The following GRIK1 variants were observed in gnomAD, a reference collection of about 807,000 sequenced individuals.
GRIK1 encodes the protein glutamate receptor ionotropic, kainate 1.
A neutral mutation model predicts 105.7 loss-of-function variants in GRIK1; 69 were observed. The ratio of observed to expected loss-of-function variants is 0.65; its 90% CI spans 0.54 to 0.80. The LOEUF is 0.80. Among genes scored for constraint, GRIK1 ranks in the 30% least tolerant of loss-of-function variants. The pLI, the probability that GRIK1 is intolerant of heterozygous loss-of-function variation, is 0.00. For missense variants in GRIK1, 1,109 were observed against 1,167.3 expected (o/e 0.95, Z 0.73); for synonymous variants, 438 against 431.3 (o/e 1.02, Z -0.19).
intron 1 of GRIK1, among the ~76,000 whole-genome samples, chr21:29,839,040 A>ATTT (rs2067892190): frequency 6.6e-6 from 1 of 150,512 alleles, no homozygotes. Flanking sequence ...TACTATAGGG[A>ATTT]TTTCTTTTCT....
At chr21:29,703,924 TC>T (rs2063858630) in intron 1 of GRIK1, among the ~76,000 whole-genome samples, 1 of 152,236 alleles carries the variant, frequency 6.6e-6, no homozygotes, top group Non-Finnish European at 1.5e-5. Context: ...TTGCATTAAT[TC>T]ACTAGGAATG....
At chr21:29,592,758 A>AAATGGCTG (rs2061350710) in intron 9 of GRIK1, among the ~76,000 whole-genome samples, 1 of 152,194 alleles carries the variant, frequency 6.6e-6, no homozygotes, top group Non-Finnish European at 1.5e-5. Flanking sequence ...AAGGACATTG[A>AAATGGCTG]AATGGCTGCC....
chr21:29,790,486 C>T (rs1352469615), intron 1 of GRIK1, among the ~76,000 whole-genome samples: 7 of 150,738 alleles, frequency 4.6e-5, no homozygotes, highest in Admixed American at 2.6e-4. Flanking sequence ...GAGACAGGGT[C>T]TTGCTGTCAC....
chr21:29,936,226 C>T (rs1262410401), intron 1 of GRIK1, among the ~76,000 whole-genome samples: 3 of 152,170 alleles, frequency 2.0e-5, no homozygotes, highest in African/African-American at 4.8e-5. Context: ...TCACCATGAC[C>T]TCTATAATTG....
intron 2 of GRIK1, among the ~76,000 whole-genome samples, chr21:29,692,118 A>G (rs1308941028): frequency 6.6e-6 from 1 of 152,224 alleles, no homozygotes; most frequent in Non-Finnish European, 1.5e-5. Flanking sequence ...TACTAATATT[A>G]TTTGACAGAA....
intron 9 of GRIK1, 131 bp downstream of exon 9, chr21:29,596,395 T>TA (rs771817736): frequency 1.3e-6 from 1 of 778,390 alleles, no homozygotes; most frequent in Admixed American, 1.7e-5. Flanking sequence ...CCTCTCTCTT[T>TA]ACATGGAACT....
Position 29,886,335 on chromosome 21 carries a change from T to C in GRIK1, c.118+53048A>G. On this transcript the variant is annotated intron_variant, in intron 1 of 17. Transcript: ENST00000327783. Reference sequence around the variant, plus strand: ...CACCTCTTTTTCAGGCTGACTTTGTTCTGTTCTTTGCACATATTTTCCAGG... The same window carrying C: ...CACCTCTTTTTCAGGCTGACTTTGTCCTGTTCTTTGCACATATTTTCCAGG... 1.3e-5 allele frequency among the ~76,000 whole-genome samples: 2 copies of C among 152,164 alleles called. 1 individual carries two copies. The highest frequency in any genetic ancestry group is 3.9e-4 in the East Asian group (2 of 5,192).
chr21:29,560,162 T>C (rs1026812007), intron 15 of GRIK1, among the ~76,000 whole-genome samples: 1 of 152,184 alleles, frequency 6.6e-6, no homozygotes, highest in African/African-American at 2.4e-5. Flanking sequence ...TTTCTGGACT[T>C]GCCCAGTAGT....
intron 7 of GRIK1, among the ~76,000 whole-genome samples, chr21:29,639,171 A>G (rs905595754): frequency 6.6e-6 from 1 of 152,242 alleles, no homozygotes; most frequent in Non-Finnish European, 1.5e-5. Context: ...TGTGTCCTGA[A>G]GCACTGCACA....
chr21:29,876,624 C>T (rs541407434), intron 1 of GRIK1, among the ~76,000 whole-genome samples: 4 of 152,322 alleles, frequency 2.6e-5, no homozygotes, highest in South Asian at 2.1e-4. Flanking sequence ...ATTACACCCA[C>T]GTTATCCTAG....
intron 9 of GRIK1, chr21:29,596,089 G>A (rs2061407306): frequency 1.7e-5 from 5 of 291,924 alleles, no homozygotes; most frequent in Admixed American, 1.4e-4. Context: ...TGACATTACA[G>A]GAGGTGTCCT....
At chr21:29,663,940 A>T (rs1265847396) in intron 4 of GRIK1, among the ~76,000 whole-genome samples, 1 of 152,196 alleles carries the variant, frequency 6.6e-6, no homozygotes. Context: ...AAGGAAGATG[A>T]TGAGAGATAG....
At chr21:29,693,131 A>G (rs1234825844) in intron 2 of GRIK1, among the ~76,000 whole-genome samples, 1 of 152,194 alleles carries the variant, frequency 6.6e-6, no homozygotes, top group East Asian at 1.9e-4. Flanking sequence ...ATCTGGGGTG[A>G]TGAGTAGCCT....
intron 1 of GRIK1, among the ~76,000 whole-genome samples, chr21:29,787,582 G>A (rs1387811856): frequency 6.6e-6 from 1 of 152,140 alleles, no homozygotes; most frequent in Non-Finnish European, 1.5e-5. Flanking sequence ...GATTAATCCA[G>A]TCTATTTAGA....
At chr21:29,721,812 C>T (rs1411307802) in intron 1 of GRIK1, among the ~76,000 whole-genome samples, 2 of 151,982 alleles carry the variant, frequency 1.3e-5, no homozygotes, top group African/African-American at 4.8e-5. Context: ...GTTTGGTGCC[C>T]CTTCCATCTA....
At chr21:29,880,177 C>G (rs2069353076) in intron 1 of GRIK1, among the ~76,000 whole-genome samples, 2 of 152,102 alleles carry the variant, frequency 1.3e-5, no homozygotes, top group Admixed American at 1.3e-4. Flanking sequence ...AACCTCAAGT[C>G]TATATTATTC....
chr21:29,648,977 A>T (rs900550470), intron 6 of GRIK1, among the ~76,000 whole-genome samples: 3 of 152,228 alleles, frequency 2.0e-5, no homozygotes, highest in Admixed American at 1.3e-4. Context: ...AATAGAGGCA[A>T]CTTGACAGCA....
At chr21:29,912,541 C>A (rs1378955116) in intron 1 of GRIK1, among the ~76,000 whole-genome samples, 1 of 152,068 alleles carries the variant, frequency 6.6e-6, no homozygotes, top group African/African-American at 2.4e-5. Flanking sequence ...GACTATTGAG[C>A]CACTTTTTGG....
rs59241719 is a variant in GRIK1, at chr21:29,888,197, C to CTTTCTTTCTTTCTTCCTT, written c.118+51185_118+51186insAAGGAAGAAAGAAAGAAA. On this transcript the variant is annotated intron_variant, in intron 1 of 17. Coordinates refer to ENST00000327783, the MANE Select transcript of GRIK1 (RefSeq NM_001330994.2). The stretch of plus-strand genomic sequence containing the variant: ...TCTTTCTTTCTTCCTTTCTTTCTTT[C>CTTTCTTTCTTTCTTCCTT]TCTCTCTCTCTCTCTCTCTCTCTCT... Among the ~76,000 whole-genome samples the CTTTCTTTCTTTCTTCCTT allele has an allele frequency of 3.2e-3, 71 of 22,340 alleles. 14 individuals are homozygous for CTTTCTTTCTTTCTTCCTT. Among genetic ancestry groups the CTTTCTTTCTTTCTTCCTT allele is most frequent in the Middle Eastern group, 0.022 (1 of 46 alleles). 14.7% of individuals were successfully genotyped at this position (22,340 alleles called of 152,430 possible). A position where few individuals can be genotyped will look rare whatever the true frequency, so the allele number is the denominator to read the frequency against.
Sources: allele counts gnomAD v4.1 joint callset (sites outside exome capture counted in the v4.1 genomes callset), GRCh38; gene constraint gnomAD v4.1.1; transcripts MANE v1.5; gene names NCBI Gene and HGNC (gene_info 2026-07-23, HGNC 2026-07-21).